Variants in WWOX observed in about 807,000 individuals in gnomAD.
WWOX encodes WW domain-containing oxidoreductase.
WWOX carries 69 observed loss-of-function variants against 46.2 expected under a neutral mutation model. The observed-to-expected ratio is 1.49, with a 90% CI of 1.23 to 1.82. The LOEUF (loss-of-function observed/expected upper bound fraction) is 1.82. WWOX is among the 40% of genes most tolerant of loss of function. WWOX has a pLI of 0.00. For missense variants in WWOX, 919 were observed against 542.6 expected, an observed-to-expected ratio of 1.69 and a Z score of -6.89; for synonymous variants, 359 against 202.6, an observed-to-expected ratio of 1.77 and a Z score of -6.56.
At chr16:78,362,281 C>T (rs1436587482) in intron 5 of WWOX, among the ~76,000 whole-genome samples, 1 of 151,958 alleles carries the variant, frequency 6.6e-6, no homozygotes, top group Non-Finnish European at 1.5e-5. Flanking sequence ...AGACGAGACA[C>T]AGCAAGGTGA....
intron 8 of WWOX, among the ~76,000 whole-genome samples, chr16:79,030,887 A>T (rs1257255196): frequency 6.6e-6 from 1 of 152,100 alleles, no homozygotes; most frequent in Non-Finnish European, 1.5e-5. Context: ...GCTTAAGACC[A>T]GCTTAGGGAA....
intron 5 of WWOX, among the ~76,000 whole-genome samples, chr16:78,381,302 G>T (rs1647025237): frequency 6.6e-6 from 1 of 152,178 alleles, no homozygotes; most frequent in Non-Finnish European, 1.5e-5. Context: ...ACAGACTCTT[G>T]AGTCACTAAC....
chr16:78,891,636 T>C (rs1490550274), intron 8 of WWOX: 2 of 152,206 alleles, frequency 1.3e-5, no homozygotes, highest in Non-Finnish European at 1.5e-5. Flanking sequence ...TTTTTCAAGG[T>C]GGCATAAAAT....
chr16:78,304,789 A>G (rs559166449), intron 5 of WWOX, among the ~76,000 whole-genome samples: 8 of 152,264 alleles, frequency 5.3e-5, no homozygotes, highest in African/African-American at 1.7e-4. Flanking sequence ...TATTCCTAGA[A>G]AGGATCCATT....
intron 8 of WWOX, chr16:78,526,389 G>T (rs985237315): frequency 6.6e-6 from 1 of 152,236 alleles, no homozygotes; most frequent in African/African-American, 2.4e-5. Flanking sequence ...CCCCTCATGT[G>T]GGGGCCTAAT....
intron 8 of WWOX, among the ~76,000 whole-genome samples, chr16:79,172,666 T>A (rs147660496): frequency 6.6e-6 from 1 of 152,272 alleles, no homozygotes; most frequent in East Asian, 1.9e-4. Flanking sequence ...AGGTGTTTTT[T>A]TGTTTGTGTG....
At chr16:79,092,065 G>C (rs2048973331) in intron 8 of WWOX, among the ~76,000 whole-genome samples, 1 of 152,048 alleles carries the variant, frequency 6.6e-6, no homozygotes, top group Non-Finnish European at 1.5e-5. Flanking sequence ...ACAGGTGTGA[G>C]CCACCGCACC....
At chr16:78,522,504 T>A (rs2043371272) in intron 8 of WWOX, among the ~76,000 whole-genome samples, 1 of 152,184 alleles carries the variant, frequency 6.6e-6, no homozygotes, top group Non-Finnish European at 1.5e-5. Flanking sequence ...TTCTCTGTCT[T>A]CTTCAGAAGC....
intron 8 of WWOX, among the ~76,000 whole-genome samples, chr16:79,102,299 G>A (rs1466792978): frequency 6.6e-6 from 1 of 152,144 alleles, no homozygotes; most frequent in East Asian, 1.9e-4. Flanking sequence ...GACAAGAGGT[G>A]TTTGACTCTA....
chr16:78,447,845 C>T (rs74991210), intron 8 of WWOX, among the ~76,000 whole-genome samples: 1 of 152,112 alleles, frequency 6.6e-6, no homozygotes, highest in Non-Finnish European at 1.5e-5. Flanking sequence ...CTTGTGTCAT[C>T]CAGGCTGAAG....
In WWOX at chr16:78,112,921, G is replaced by A. The variant is rs922470609; in HGVS notation, c.231-2055G>A. 4.6e-5 allele frequency among the ~76,000 whole-genome samples: 7 copies of A among 152,088 alleles called. No individual in the cohort carries two copies. In the South Asian group the frequency reaches 1.5e-3, roughly 32 times the overall value. On this transcript the variant is annotated intron_variant, in intron 3 of 8. Coordinates refer to ENST00000566780, the MANE Select transcript of WWOX (RefSeq NM_016373.4). ...GAGGCTCAGTATGTTGCCCAGGCTGGTCTTGAACTTCTGGCCTTCAGCGAT... is the reference window on the plus strand; with the variant it reads ...GAGGCTCAGTATGTTGCCCAGGCTGATCTTGAACTTCTGGCCTTCAGCGAT...
At chr16:78,347,103 C>G (rs989471475) in intron 5 of WWOX, among the ~76,000 whole-genome samples, 1 of 118,802 alleles carries the variant, frequency 8.4e-6, no homozygotes, top group African/African-American at 2.9e-5. Flanking sequence ...CACACAGTTT[C>G]ATTTTTAGTG....
intron 8 of WWOX, among the ~76,000 whole-genome samples, chr16:78,860,766 CTAGCTAAAATT>C (rs2052697631): frequency 6.6e-6 from 1 of 152,154 alleles, no homozygotes; most frequent in Non-Finnish European, 1.5e-5. Context: ...TGTCTGGGAA[CTAGCTAAAATT>C]AGGGAGTTAA....
At chr16:78,919,543 G>T (rs548791839) in intron 8 of WWOX, among the ~76,000 whole-genome samples, 34 of 137,526 alleles carry the variant, frequency 2.5e-4, no homozygotes, top group Admixed American at 5.5e-4. Context: ...TTTTTTGAGG[G>T]AGTCTTGCTC....
At chr16:78,891,892 A>G (rs186390331) in intron 8 of WWOX, 1 of 152,344 alleles carries the variant, frequency 6.6e-6, no homozygotes, top group East Asian at 1.9e-4. Context: ...CAAATGAAGG[A>G]GCAGAGTTGG....
At position 78,509,260 on chromosome 16, in the gene WWOX, A is replaced by G. The variant is rs146645781; in HGVS notation, c.1056+76508A>G. 2.6e-4 allele frequency among the ~76,000 whole-genome samples: 40 copies of G among 152,248 alleles called. No individual in the cohort carries two copies. The East Asian group carries it at 7.2e-3, about 27-fold the overall frequency. On this transcript the variant is annotated intron_variant, in intron 8 of 8. Transcript: ENST00000566780. ...TCAAGACCAGCCTGGCCAACATGGC[A>G]AAACCCTGTCTCTACTAAAAAATAC...
At chr16:78,730,646 G>A (rs1454150221) in intron 8 of WWOX, among the ~76,000 whole-genome samples, 2 of 140,036 alleles carry the variant, frequency 1.4e-5, no homozygotes, top group Admixed American at 1.5e-4. Context: ...TTTAAGTAGA[G>A]ACAGGGTCTT....
chr16:78,912,046 T>C (rs1164893030), intron 8 of WWOX, among the ~76,000 whole-genome samples: 1 of 152,050 alleles, frequency 6.6e-6, no homozygotes, highest in African/African-American at 2.4e-5. Context: ...CAAAGCTACC[T>C]AGGTTCTGAG....
chr16:78,169,605 C>T (rs1381036928), intron 5 of WWOX, among the ~76,000 whole-genome samples: 2 of 151,962 alleles, frequency 1.3e-5, no homozygotes, highest in Admixed American at 1.3e-4. Flanking sequence ...CTCTGAGTTC[C>T]TCCTTCTTCT....
Sources: allele counts gnomAD v4.1 joint callset (sites outside exome capture counted in the v4.1 genomes callset), GRCh38; gene constraint gnomAD v4.1.1; transcripts MANE v1.5; gene names NCBI Gene and HGNC (gene_info 2026-07-23, HGNC 2026-07-21).